NGEF: variants seen among roughly 807,000 people sequenced by gnomAD.
NGEF encodes the protein ephexin-1.
A neutral mutation model predicts 80.9 loss-of-function variants in NGEF; 31 were observed. The observed-to-expected ratio is 0.38, with a 90% confidence interval of 0.29 to 0.52. NGEF has a LOEUF of 0.52. Ranked by LOEUF, NGEF falls within the 20% of genes least tolerant of loss-of-function variation. The pLI is 0.84. For missense variants in NGEF, 709 were observed against 926.2 expected (o/e 0.77, Z 3.04); for synonymous variants, 371 against 370.2 (o/e 1.00, Z -0.03).
At chr2:232,967,165 T>A (rs776523158) in intron 3 of NGEF, among the ~76,000 whole-genome samples, 9 of 152,078 alleles carry the variant, frequency 5.9e-5, no homozygotes, top group Non-Finnish European at 1.3e-4. Flanking sequence ...TAAAAGTGTG[T>A]GGCACCTCTC....
rs777474159 is a variant in NGEF at position 232,920,265 on chromosome 2, GC to G, written c.828+18del. On this transcript the variant is annotated intron_variant, in intron 5 of 14. Transcript: ENST00000264051. ...CCCGGTGTGCTGTGGGGGAGCCCCC[GC>G]CCCTCGGCGCCTGTTACCTCCTGCA... is the stretch of plus-strand genomic sequence containing the variant. 5 of 1,601,192 alleles carry G rather than the reference GC, an allele frequency of 3.1e-6. No individual in the cohort carries two copies. In the South Asian group the frequency reaches 5.6e-5, roughly 18 times the overall value.
intron 1 of NGEF, among the ~76,000 whole-genome samples, chr2:233,000,554 G>A (rs1694950733): frequency 6.6e-6 from 1 of 152,072 alleles, no homozygotes; most frequent in African/African-American, 2.4e-5. Flanking sequence ...TCAGGAGATT[G>A]AGACCATCCT....
At chr2:232,941,934 T>C (rs1156799175) in intron 3 of NGEF, among the ~76,000 whole-genome samples, 2 of 136,160 alleles carry the variant, frequency 1.5e-5, no homozygotes, top group Admixed American at 7.2e-5. Flanking sequence ...GTTATAAAAA[T>C]AGTCCCTTTT....
chr2:232,909,221 G>A (rs555187516), intron 5 of NGEF, among the ~76,000 whole-genome samples: 2 of 152,228 alleles, frequency 1.3e-5, no homozygotes, highest in South Asian at 2.1e-4. Context: ...TCTCAAAAAA[G>A]TATCCCTTTG....
intron 5 of NGEF, among the ~76,000 whole-genome samples, chr2:232,901,626 G>A (rs918963499): frequency 2.6e-5 from 4 of 152,204 alleles, no homozygotes; most frequent in African/African-American, 7.2e-5. Flanking sequence ...GAAACAAAAC[G>A]TAGCCCCTTC....
intron 5 of NGEF, among the ~76,000 whole-genome samples, 170 bp from the exon 6 acceptor site, chr2:232,895,086 G>A (rs1437252042): frequency 1.3e-5 from 2 of 152,166 alleles, no homozygotes; most frequent in Non-Finnish European, 2.9e-5. Context: ...TAACACCTGC[G>A]GCCGGGAATG....
intron 14 of NGEF, among the ~76,000 whole-genome samples, chr2:232,880,908 T>TG (rs1356299015): frequency 2.0e-5 from 3 of 151,994 alleles, no homozygotes; most frequent in Non-Finnish European, 4.4e-5. Flanking sequence ...GGAGGAAAGG[T>TG]GGGGTCTCCC....
chr2:232,944,744 T>TATATATATATATATAC lies in NGEF; in HGVS notation c.384-17559_384-17558insGTATATATATATATAT, dbSNP rs1553552744. 3.8e-4 allele frequency among the ~76,000 whole-genome samples: 37 copies of TATATATATATATATAC among 98,644 alleles called. 1 individual carries two copies. In the East Asian group the frequency reaches 7.3e-3, roughly 19 times the overall value. 64.7% of individuals were successfully genotyped at this position (98,644 alleles called of 152,430 possible). Reference sequence around the variant, plus strand: ...TTTTCCGAATATATATATATATATATATATATATATATATATATCTTTTTG... The same window carrying TATATATATATATATAC: ...TTTTCCGAATATATATATATATATATATATATATATATATACATATATATATATATATATCTTTTTG... On this transcript the variant is annotated intron_variant, in intron 3 of 14. Transcript: ENST00000264051.
In NGEF at chr2:232,945,751, G is replaced by A. The variant is rs142256348; in HGVS notation, c.384-18565C>T. Among the ~76,000 whole-genome samples, 796 of 152,158 alleles carry A rather than the reference G, an allele frequency of 5.2e-3. 9 individuals carry two copies. The highest frequency in any genetic ancestry group is 0.017 in the African/African-American group (718 of 41,504). Reference sequence around the variant, plus strand: ...CCAGTTTGTGGTGCTTTGTTCCAGCGGCCCTAGCAACCAAGACAATAGATT... The same window carrying A: ...CCAGTTTGTGGTGCTTTGTTCCAGCAGCCCTAGCAACCAAGACAATAGATT... On this transcript the variant is annotated intron_variant, in intron 3 of 14. Transcript: ENST00000264051.
intron 1 of NGEF, among the ~76,000 whole-genome samples, chr2:232,987,800 C>A (rs1407215510): frequency 6.6e-6 from 1 of 152,100 alleles, no homozygotes; most frequent in East Asian, 1.9e-4. Context: ...AGAAAATGAA[C>A]CCCCTCAGCC....
chr2:232,979,365 C>T lies in NGEF; in HGVS notation c.-74-4401G>A, dbSNP rs1273127890. Among the ~76,000 whole-genome samples, 3 of 60,178 alleles carry T rather than the reference C, an allele frequency of 5.0e-5. No homozygotes were observed. In the East Asian group the frequency reaches 1.0e-3, roughly 21 times the overall value. The allele number at this position is 60,178 out of a possible 152,430, so 39.5% of individuals were successfully genotyped here. A position where few individuals can be genotyped will look rare whatever the true frequency, so the allele number is the denominator to read the frequency against. ...CACCTTTGAGATGATTTTACACACA[C>T]ACACACACACACACACACACACACA... is the stretch of plus-strand genomic sequence containing the variant. On this transcript the variant is annotated intron_variant, in intron 1 of 14. Coordinates refer to ENST00000264051, the MANE Select transcript of NGEF (RefSeq NM_019850.3).
chr2:232,963,668 G>C (rs953315791), intron 3 of NGEF, among the ~76,000 whole-genome samples: 1 of 152,078 alleles, frequency 6.6e-6, no homozygotes, highest in Admixed American at 6.6e-5. Flanking sequence ...ATAAAAATTA[G>C]CTGGGCGTGG....
intron 14 of NGEF, among the ~76,000 whole-genome samples, chr2:232,880,287 G>T (rs141770722): frequency 6.6e-6 from 1 of 152,238 alleles, no homozygotes; most frequent in Non-Finnish European, 1.5e-5. Context: ...CTCCCCTAGA[G>T]ATCACCAGGT....
chr2:232,900,681 G>C (rs1167807293), intron 5 of NGEF, among the ~76,000 whole-genome samples: 2 of 99,120 alleles, frequency 2.0e-5, no homozygotes, highest in African/African-American at 9.4e-5. Flanking sequence ...CACGCTCTCA[G>C]TCACTCATAT....
At chr2:232,968,092 G>GGTTTTTTTTTTTTTTTTTTTT (rs529799953) in intron 3 of NGEF, among the ~76,000 whole-genome samples, 2 of 107,216 alleles carry the variant, frequency 1.9e-5, no homozygotes, top group South Asian at 5.3e-4. Flanking sequence ...AACAGACCTG[G>GGTTTTTTTTTTTTTTTTTTTT]CTTTTTTTTT....
chr2:233,002,546 G>A (rs1014050728), intron 1 of NGEF, among the ~76,000 whole-genome samples: 3 of 152,098 alleles, frequency 2.0e-5, no homozygotes, highest in Admixed American at 6.5e-5. Context: ...GGGTGGTGGT[G>A]CACGCTTGTA....
intron 1 of NGEF, among the ~76,000 whole-genome samples, chr2:232,997,362 C>T (rs78747772): frequency 2.0e-5 from 3 of 152,230 alleles, no homozygotes; most frequent in East Asian, 1.9e-4. Context: ...AGGGGCAGCA[C>T]GCCTCACAGG....
At chr2:232,919,803 A>G (rs1415790384) in intron 5 of NGEF, among the ~76,000 whole-genome samples, 1 of 152,200 alleles carries the variant, frequency 6.6e-6, no homozygotes, top group African/African-American at 2.4e-5. Context: ...CAGATGGGCA[A>G]GCTGAGGGAC....
chr2:232,991,746 T>C (rs1694654720), intron 1 of NGEF, among the ~76,000 whole-genome samples: 1 of 152,180 alleles, frequency 6.6e-6, no homozygotes, highest in Non-Finnish European at 1.5e-5. Flanking sequence ...AAGCTGATCA[T>C]AAAATTAATC....
Sources: gnomAD v4.1 joint callset for allele counts (sites outside exome capture counted in the v4.1 genomes callset) on GRCh38, gnomAD v4.1.1 for gene constraint, MANE v1.5 for transcripts, NCBI Gene and HGNC (gene_info 2026-07-23, HGNC 2026-07-21) for gene names.